The following TIMM44 variants were observed in gnomAD, a reference collection of about 807,000 sequenced individuals.
TIMM44 encodes mitochondrial import inner membrane translocase subunit TIM44.
Under a neutral mutation model 63.8 loss-of-function variants are expected in TIMM44, and 37 were observed. The ratio of observed to expected loss-of-function variants is 0.58; its 90% CI spans 0.45 to 0.76. The LOEUF is 0.76. TIMM44 is among the 30% of genes least tolerant of loss of function. The pLI is 0.00. For synonymous variants in TIMM44, 239 were observed against 245.1 expected (o/e 0.98, Z 0.23); for missense variants, 573 against 603.8 (o/e 0.95, Z 0.54).
At position 7,933,401 on chromosome 19, in the gene TIMM44, T is replaced by C; in HGVS notation, c.769+84A>G. The C allele has an allele frequency of 8.0e-7, 1 of 1,252,638 alleles. No individual in the cohort carries two copies. The highest frequency in any genetic ancestry group is 1.2e-6 in the Non-Finnish European group (1 of 849,822). 77.6% of individuals were successfully genotyped at this position (1,252,638 alleles called of 1,614,324 possible). A position where few individuals can be genotyped will look rare whatever the true frequency, so the allele number is the denominator to read the frequency against. ...TCCTCCTCTGCAAAACGGGGCTGTC[T>C]TGTGCCCAATGCAGGGGGATCACCT... On this transcript the variant is annotated intron_variant, in intron 7 of 12. Transcript: ENST00000270538. This position sits in a 1 kb window ranked among gnomAD's most constrained non-coding sequence, Gnocchi z 4.3.
At position 7,927,215 on chromosome 19, in the gene TIMM44, G is replaced by A. The variant is rs1286453169; in HGVS notation, c.1331C>T (p.Ser444Leu). The change falls in exon 13 of 13, where the codon TCG (serine) becomes TTG (leucine). Residue 444 changes from serine to leucine, a missense_variant. Transcript: ENST00000270538. ...GAGAATCTGCTCGGTGCTGGAGGCCGAGATGTCCAGGAGCCGCCAGGCCGC... is the reference window on the plus strand; with the variant it reads ...GAGAATCTGCTCGGTGCTGGAGGCCAAGATGTCCAGGAGCCGCCAGGCCGC... ...PYAAWRLLDI[S>L]ASSTEQIL 8.1e-6 allele frequency: 13 copies of A among 1,611,346 alleles called. No individual in the cohort carries two copies. The highest frequency in any genetic ancestry group is 8.0e-5 in the African/African-American group (6 of 75,060).
In TIMM44 at chr19:7,931,158, T is replaced by A; in HGVS notation, c.1018A>T (p.Lys340Ter). 6.2e-7 allele frequency: 1 copy of A among 1,613,010 alleles called. No individual in the cohort carries two copies. Among genetic ancestry groups the A allele is most frequent in the Non-Finnish European group, 8.5e-7 (1 of 1,179,870 alleles). The change falls in exon 10 of 13, where the codon AAA (lysine) becomes TAA (stop). Residue 340 changes from lysine to a stop codon, truncating the protein, a stop_gained. Coordinates refer to ENST00000270538, the MANE Select transcript of TIMM44 (RefSeq NM_006351.4). LOFTEE classifies it high-confidence loss of function. The stretch of plus-strand genomic sequence containing the variant: ...CTCACAGCTTCATAGCACCAGTCTT[T>A]GAGAATGTCAAGCTCTCCAGAAATC... ...AMISGELDIL[K>*]DWCYEATYSQ...
At position 7,937,098 on chromosome 19, in the gene TIMM44, C is replaced by T. The variant is rs535355310; in HGVS notation, c.312+929G>A. ...GCCTGGGCAATGGAGTAAGACTCTG[C>T]TTCAAAAAACAACAACAACAACAAC... On this transcript the variant is annotated intron_variant, in intron 3 of 12. Coordinates refer to ENST00000270538, the MANE Select transcript of TIMM44 (RefSeq NM_006351.4). Among the ~76,000 whole-genome samples, 7 of 150,908 alleles carry T rather than the reference C, an allele frequency of 4.6e-5. No individual in the cohort carries two copies. In the East Asian group the frequency reaches 1.4e-3, roughly 29 times the overall value.
chr19:7,941,228 T>C (rs1184570143), intron 1 of TIMM44, 31 bp from the exon 2 acceptor site: 2 of 1,546,598 alleles, frequency 1.3e-6, no homozygotes, highest in Non-Finnish European at 1.8e-6. Context: ...GAAAGATCCA[T>C]TCTAACAAGA....
chr19:7,927,161 G>T lies in TIMM44; in HGVS notation c.*26C>A, dbSNP rs767970721. 2 of 1,596,668 alleles carry T rather than the reference G, an allele frequency of 1.3e-6. No homozygotes were observed. Among genetic ancestry groups the T allele is most frequent in the Middle Eastern group, 1.7e-4 (1 of 6,030 alleles). ...GCCTCTGTGCCTGATGACCCAGGCC[G>T]GGGCTACCTGGCTCCGGCACCACAC... On this transcript the variant is annotated 3_prime_UTR_variant, in exon 13 of 13. Coordinates refer to ENST00000270538, the MANE Select transcript of TIMM44 (RefSeq NM_006351.4).
In TIMM44 at chr19:7,934,580, A is replaced by G. The variant is rs1428714678; in HGVS notation, c.394-342T>C. On this transcript the variant is annotated intron_variant, in intron 4 of 12. Coordinates refer to ENST00000270538, the MANE Select transcript of TIMM44 (RefSeq NM_006351.4). This position sits in a 1 kb window ranked among gnomAD's most constrained non-coding sequence, Gnocchi z 5.3. ...GCTGGGTCTGCTGGCCCCTTTCCAAAATGGGCAGGAGTCCTCTGGAGACCC... is the reference window on the plus strand; with the variant it reads ...GCTGGGTCTGCTGGCCCCTTTCCAAGATGGGCAGGAGTCCTCTGGAGACCC... 6.6e-6 allele frequency among the ~76,000 whole-genome samples: 1 copy of G among 151,998 alleles called. No individual in the cohort carries two copies.
chr19:7,931,229 C>T, intron 9 of TIMM44, 41 bp from the exon 10 acceptor site: 2 of 1,582,026 alleles, frequency 1.3e-6, no homozygotes, highest in Middle Eastern at 3.3e-4. Context: ...CGAGAGTGGG[C>T]TTTTCAGGCA....
rs1457026618 is a variant in TIMM44 at position 7,935,147 on chromosome 19, T to C, written c.313-2A>G. On this transcript the variant is annotated splice_acceptor_variant, in intron 3 of 12. Transcript: ENST00000270538. LOFTEE classifies it high-confidence loss of function. ...CACGGTTTCTGACTCGATGGTTTTC[T>C]AGGTAAAGAGCGCTGTGTCCTTTTT... 9.4e-6 allele frequency: 15 copies of C among 1,603,726 alleles called. No homozygotes were observed. Among genetic ancestry groups the C allele is most frequent in the Non-Finnish European group, 1.2e-5 (14 of 1,172,732 alleles).
rs112678902 is a variant in TIMM44, at chr19:7,929,934, C to T, written c.1038+1204G>A. 2.1e-3 allele frequency among the ~76,000 whole-genome samples: 324 copies of T among 152,096 alleles called. 2 individuals carry two copies. The highest frequency in any genetic ancestry group is 6.9e-3 in the African/African-American group (286 of 41,480). On this transcript the variant is annotated intron_variant, in intron 10 of 12. Transcript: ENST00000270538. ...TGCAATCTCGGCTCACTGCAGCCTC[C>T]GCCTCCTGGGTTCTAGCGATTCTCC...
chr19:7,935,366 C>T (rs1222923541), intron 3 of TIMM44: 4 of 521,370 alleles, frequency 7.7e-6, no homozygotes, highest in African/African-American at 3.9e-5. Flanking sequence ...GGTTTTACCA[C>T]GTTGGCCAGG....
chr19:7,940,601 G>A (rs1338938566), intron 2 of TIMM44, among the ~76,000 whole-genome samples: 2 of 152,128 alleles, frequency 1.3e-5, no homozygotes, highest in African/African-American at 2.4e-5. Flanking sequence ...CTGCCCGAAT[G>A]TACAGGTCTG....
chr19:7,932,473 G>A (rs1984013599), intron 9 of TIMM44, 154 bp downstream of exon 9: 1 of 1,070,190 alleles, frequency 9.3e-7, no homozygotes, highest in East Asian at 2.5e-5. Context: ...TGGGGCAGCT[G>A]CAGCCGGGCA....
intron 10 of TIMM44, chr19:7,928,373 C>G: frequency 6.8e-6 from 4 of 586,776 alleles, no homozygotes; most frequent in Non-Finnish European, 6.1e-6. Context: ...GAACAACACT[C>G]TATCCAGATG....
chr19:7,935,157 G>C lies in TIMM44; in HGVS notation c.313-12C>G. On this transcript the variant is annotated splice_polypyrimidine_tract_variant and intron_variant, in intron 3 of 12. Transcript: ENST00000270538. ...GACTCGATGGTTTTCTAGGTAAAGAGCGCTGTGTCCTTTTTTTTTTTTTTT... is the reference window on the plus strand; with the variant it reads ...GACTCGATGGTTTTCTAGGTAAAGACCGCTGTGTCCTTTTTTTTTTTTTTT... 6.4e-7 allele frequency: 1 copy of C among 1,568,012 alleles called. No individual in the cohort carries two copies.
intron 10 of TIMM44, among the ~76,000 whole-genome samples, chr19:7,930,234 C>G (rs1334422473): frequency 6.6e-6 from 1 of 151,542 alleles, no homozygotes; most frequent in South Asian, 2.1e-4. Context: ...ACCTCGTGAG[C>G]TCAAGTGATC....
At position 7,933,840 on chromosome 19, in the gene TIMM44, C is replaced by T. The variant is rs776629037; in HGVS notation, c.683+24G>A. The T allele has an allele frequency of 4.3e-6, 7 of 1,613,532 alleles. No individual in the cohort carries two copies. The highest frequency in any genetic ancestry group is 3.3e-5 in the Admixed American group (2 of 60,010). On this transcript the variant is annotated intron_variant, in intron 6 of 12. Coordinates refer to ENST00000270538, the MANE Select transcript of TIMM44 (RefSeq NM_006351.4). The surrounding 1 kb of genome is among the most constrained non-coding windows in gnomAD (Gnocchi z 4.3). Reference sequence around the variant, plus strand: ...TGAAAGCTGCCCAAAATGGGGGCAGCGAGGGCCACGGGCTGGTACCTACTC... The same window carrying T: ...TGAAAGCTGCCCAAAATGGGGGCAGTGAGGGCCACGGGCTGGTACCTACTC...
intron 2 of TIMM44, 142 bp downstream of exon 2, chr19:7,940,960 T>C (rs903153994): frequency 7.0e-6 from 5 of 710,500 alleles, no homozygotes; most frequent in African/African-American, 7.0e-5. Flanking sequence ...GGATCTGTCA[T>C]TCTGAAAGCC....
At position 7,928,113 on chromosome 19, in the gene TIMM44, C is replaced by G; in HGVS notation, c.1092G>C (p.Gln364His). The change falls in exon 11 of 13, where the codon CAG becomes CAC. Residue 364 changes from glutamine to histidine, a missense_variant. By Grantham distance (24) the Gln-to-His change is conservative (BLOSUM62 0). Coordinates refer to ENST00000270538, the MANE Select transcript of TIMM44 (RefSeq NM_006351.4). ...PIQQAKALGL[Q>H]FHSRILDIDN... ...CAATGTCTAGGATGCGAGAATGGAA[C>G]TGGAGACCCAGTGCCTTGGCCTGCT... 1 of 1,614,092 alleles carries G rather than the reference C, an allele frequency of 6.2e-7. No individual in the cohort carries two copies. Among genetic ancestry groups the G allele is most frequent in the Non-Finnish European group, 8.5e-7 (1 of 1,179,980 alleles).
intron 10 of TIMM44, 47 bp from the exon 11 acceptor site, chr19:7,928,213 C>G: frequency 6.7e-7 from 1 of 1,503,700 alleles, no homozygotes; most frequent in Non-Finnish European, 9.2e-7. Flanking sequence ...CCAGGGTGGG[C>G]ACCACGCCAC....
Sources: allele counts gnomAD v4.1 joint callset (sites outside exome capture counted in the v4.1 genomes callset), GRCh38; gene constraint gnomAD v4.1.1; non-coding constraint Gnocchi (gnomAD v3.1); transcripts MANE v1.5; gene names NCBI Gene and HGNC (gene_info 2026-07-23, HGNC 2026-07-21).